The following SLC35F3 variants were observed in gnomAD, a reference collection of about 807,000 sequenced individuals.
The protein encoded by SLC35F3 is solute carrier family 35 member F3, also known as putative thiamine transporter SLC35F3.
Under a neutral mutation model 49.9 loss-of-function variants are expected in SLC35F3, and 25 were observed. That is an observed-to-expected ratio of 0.50 (90% CI 0.37 to 0.70). The LOEUF (loss-of-function observed/expected upper bound fraction) is 0.70. SLC35F3 is among the 30% of genes least tolerant of loss of function. The pLI, the probability that SLC35F3 is intolerant of heterozygous loss-of-function variation, is 0.00. For synonymous variants in SLC35F3, 275 were observed against 265.4 expected, an observed-to-expected ratio of 1.04 and a Z score of -0.35; for missense variants, 525 against 639.8, an observed-to-expected ratio of 0.82 and a Z score of 1.94.
At chr1:234,243,020 G>A (rs1224170818) in intron 3 of SLC35F3, among the ~76,000 whole-genome samples, 3 of 152,190 alleles carry the variant, frequency 2.0e-5, no homozygotes, top group African/African-American at 4.8e-5. Flanking sequence ...TAGTGGGGGA[G>A]TAGGGGGAAT....
chr1:234,237,737 C>T (rs1003912380), intron 3 of SLC35F3, among the ~76,000 whole-genome samples: 1 of 152,256 alleles, frequency 6.6e-6, no homozygotes, highest in Non-Finnish European at 1.5e-5. Flanking sequence ...AGCACCTTCT[C>T]TGTCTCAGGT....
intron 2 of SLC35F3, among the ~76,000 whole-genome samples, chr1:234,035,801 G>A (rs192591261): frequency 4.6e-5 from 7 of 152,100 alleles, no homozygotes; most frequent in Admixed American, 3.9e-4. Context: ...TCCTCATTTC[G>A]TGGATGCAAT....
At chr1:234,132,861 C>A (rs1001435436) in intron 2 of SLC35F3, among the ~76,000 whole-genome samples, 2 of 152,138 alleles carry the variant, frequency 1.3e-5, no homozygotes, top group African/African-American at 4.8e-5. Flanking sequence ...ATGAACATTC[C>A]ACGCAAAATT....
chr1:234,155,830 A>T (rs1049626241), intron 2 of SLC35F3, among the ~76,000 whole-genome samples: 5 of 151,466 alleles, frequency 3.3e-5, no homozygotes, highest in African/African-American at 1.2e-4. Context: ...AGTAATTTTT[A>T]AATGTAAAAA....
chr1:233,960,271 C>T lies in SLC35F3; in HGVS notation c.283+54513C>T, dbSNP rs1469151537. On this transcript the variant is annotated intron_variant, in intron 2 of 7. Coordinates refer to ENST00000366618, the MANE Select transcript of SLC35F3 (RefSeq NM_173508.4). ...TTCTGCCTTCCTGGGGAAGCAAGTC[C>T]CTCGTTTCCCCTCACCTGTCACTTT... is the stretch of plus-strand genomic sequence containing the variant. Among the ~76,000 whole-genome samples the T allele has an allele frequency of 2.0e-5, 3 of 152,164 alleles. No individual in the cohort carries two copies. The East Asian group carries it at 5.8e-4, about 29-fold the overall frequency.
intron 2 of SLC35F3, among the ~76,000 whole-genome samples, chr1:233,965,158 C>CA (rs1302716147): frequency 6.6e-6 from 1 of 152,132 alleles, no homozygotes. Flanking sequence ...ACAACTAAAG[C>CA]AATTCTCTAA....
At chr1:234,202,825 T>C (rs776663464) in intron 2 of SLC35F3, among the ~76,000 whole-genome samples, 36 of 152,134 alleles carry the variant, frequency 2.4e-4, no homozygotes, top group Non-Finnish European at 2.5e-4. Flanking sequence ...AATGAAGAGA[T>C]TGGGGAGAGG....
intron 2 of SLC35F3, among the ~76,000 whole-genome samples, chr1:233,964,925 A>G (rs1287899898): frequency 1.3e-5 from 2 of 152,236 alleles, no homozygotes; most frequent in Non-Finnish European, 2.9e-5. Context: ...CCTCTTGCAT[A>G]AAGTGAAAGG....
chr1:234,042,107 C>T (rs761844166), intron 2 of SLC35F3, among the ~76,000 whole-genome samples: 20 of 152,136 alleles, frequency 1.3e-4, no homozygotes, highest in Non-Finnish European at 2.4e-4. Flanking sequence ...CTTTCTCCTC[C>T]GAAGTCAACT....
At chr1:233,931,049 A>G (rs1342979662) in intron 2 of SLC35F3, among the ~76,000 whole-genome samples, 1 of 152,196 alleles carries the variant, frequency 6.6e-6, no homozygotes, top group African/African-American at 2.4e-5. Context: ...AGGATTCCCT[A>G]TTTAATAAAT....
chr1:234,052,993 G>T (rs1664401325), intron 2 of SLC35F3, among the ~76,000 whole-genome samples: 1 of 152,198 alleles, frequency 6.6e-6, no homozygotes, highest in Admixed American at 6.5e-5. Context: ...TTGCACTGTG[G>T]TCTGAGAGAC....
intron 2 of SLC35F3, among the ~76,000 whole-genome samples, chr1:234,158,348 T>C (rs565443377): frequency 6.6e-5 from 10 of 152,354 alleles, no homozygotes; most frequent in African/African-American, 1.9e-4. Flanking sequence ...AGCAAAGTTA[T>C]CTATAACTTT....
chr1:234,039,131 G>A (rs1277983762), intron 2 of SLC35F3, among the ~76,000 whole-genome samples: 2 of 152,110 alleles, frequency 1.3e-5, no homozygotes, highest in Non-Finnish European at 2.9e-5. Context: ...GAAGGTATTC[G>A]AAGCTCTAAA....
At chr1:234,307,041 T>C (rs1428670925) in intron 3 of SLC35F3, among the ~76,000 whole-genome samples, 1 of 152,208 alleles carries the variant, frequency 6.6e-6, no homozygotes, top group African/African-American at 2.4e-5. Flanking sequence ...CATCACTTTG[T>C]AGCCACCATA....
At chr1:234,203,927 A>C (rs1666935071) in intron 2 of SLC35F3, among the ~76,000 whole-genome samples, 1 of 152,260 alleles carries the variant, frequency 6.6e-6, no homozygotes, top group African/African-American at 2.4e-5. Flanking sequence ...TAACATACGT[A>C]CACACATATG....
chr1:234,018,424 G>A (rs1007760810), intron 2 of SLC35F3, among the ~76,000 whole-genome samples: 1 of 152,118 alleles, frequency 6.6e-6, no homozygotes, highest in African/African-American at 2.4e-5. Flanking sequence ...CATGTCCCCC[G>A]ATTTCTCTTT....
intron 2 of SLC35F3, among the ~76,000 whole-genome samples, chr1:234,080,050 C>T (rs985863712): frequency 3.3e-5 from 5 of 152,150 alleles, no homozygotes; most frequent in African/African-American, 1.2e-4. Context: ...GGGCTGGTTG[C>T]TGGAGGTGAT....
At chr1:234,275,277 C>T (rs1352637452) in intron 3 of SLC35F3, among the ~76,000 whole-genome samples, 3 of 151,892 alleles carry the variant, frequency 2.0e-5, no homozygotes, top group African/African-American at 7.3e-5. Flanking sequence ...CTTGTTTAGA[C>T]TTGGGTTCCG....
chr1:234,259,142 G>A (rs544505202), intron 3 of SLC35F3, among the ~76,000 whole-genome samples: 3 of 152,220 alleles, frequency 2.0e-5, no homozygotes, highest in African/African-American at 7.2e-5. Flanking sequence ...CCAAAAAATA[G>A]AGATCTGTAG....
Sources: allele counts gnomAD v4.1 joint callset (sites outside exome capture counted in the v4.1 genomes callset), GRCh38; gene constraint gnomAD v4.1.1; transcripts MANE v1.5; gene names NCBI Gene and HGNC (gene_info 2026-07-23, HGNC 2026-07-21).